The following ACSL1 variants were observed in gnomAD, a reference collection of about 807,000 sequenced individuals.
ACSL1 encodes acyl-CoA synthetase long chain family member 1.
ACSL1 carries 41 observed loss-of-function variants against 98.4 expected under a neutral mutation model. That is an observed-to-expected ratio of 0.42 (90% CI 0.32 to 0.54). The LOEUF is 0.54. ACSL1 is among the 20% of genes least tolerant of loss of function. The pLI is 0.13. For synonymous variants in ACSL1, 316 were observed against 322.7 expected, an observed-to-expected ratio of 0.98 and a Z score of 0.22; for missense variants, 734 against 883.1, an observed-to-expected ratio of 0.83 and a Z score of 2.14.
In ACSL1 at chr4:184,780,318, C is replaced by T. The variant is rs1471848574; in HGVS notation, c.477+14G>A. 1 of 1,606,984 alleles carries T rather than the reference C, an allele frequency of 6.2e-7. No homozygotes were observed. Among genetic ancestry groups the T allele is most frequent in the Non-Finnish European group, 8.5e-7 (1 of 1,175,214 alleles). On this transcript the variant is annotated intron_variant, in intron 5 of 20. Transcript: ENST00000281455. Reference sequence around the variant, plus strand: ...TCTCAAAATCATGCATAGCAAGTACCTACTGGTTCATACCTCAGGTCTATT... The same window carrying T: ...TCTCAAAATCATGCATAGCAAGTACTTACTGGTTCATACCTCAGGTCTATT...
chr4:184,761,484 C>T (rs999017571), intron 17 of ACSL1, among the ~76,000 whole-genome samples: 2 of 152,182 alleles, frequency 1.3e-5, no homozygotes, highest in Non-Finnish European at 2.9e-5. Flanking sequence ...CAGCAGATTA[C>T]TGGTCAAACC....
At chr4:184,770,835 T>C (rs1475891529) in intron 10 of ACSL1, among the ~76,000 whole-genome samples, 1 of 152,108 alleles carries the variant, frequency 6.6e-6, no homozygotes. Flanking sequence ...AAGAATAAAA[T>C]GAAAAACAAG....
chr4:184,777,731 C>T (rs987195187), intron 5 of ACSL1, among the ~76,000 whole-genome samples: 9 of 151,928 alleles, frequency 5.9e-5, no homozygotes. Flanking sequence ...AAGGTAGCTA[C>T]AGATGCTACT....
chr4:184,820,121 C>G (rs115511796), intron 1 of ACSL1, among the ~76,000 whole-genome samples: 1 of 152,128 alleles, frequency 6.6e-6, no homozygotes, highest in African/African-American at 2.4e-5. Flanking sequence ...AAGTCACCCC[C>G]CTCCGATCCC....
chr4:184,820,827 C>T (rs182936962), intron 1 of ACSL1, among the ~76,000 whole-genome samples: 36 of 152,118 alleles, frequency 2.4e-4, no homozygotes, highest in African/African-American at 7.2e-4. Flanking sequence ...GTGATCCACC[C>T]GCCTCGGCCT....
At chr4:184,802,546 C>T (rs1459123792) in intron 2 of ACSL1, among the ~76,000 whole-genome samples, 1 of 152,090 alleles carries the variant, frequency 6.6e-6, no homozygotes, top group Non-Finnish European at 1.5e-5. Flanking sequence ...GTGGAAGCAC[C>T]AGTGAGCATG....
chr4:184,764,651 C>T (rs72707737), intron 15 of ACSL1, among the ~76,000 whole-genome samples: 3,070 of 152,244 alleles, frequency 0.02, 52 homozygotes, highest in Non-Finnish European at 0.031. Context: ...AGATCCCCAG[C>T]GCCACCCCTC....
At chr4:184,761,409 A>G (rs1355470385) in intron 17 of ACSL1, among the ~76,000 whole-genome samples, 1 of 152,262 alleles carries the variant, frequency 6.6e-6, no homozygotes, top group Non-Finnish European at 1.5e-5. Flanking sequence ...ATCTGCCAAT[A>G]CACAGTAATA....
At chr4:184,777,627 C>A (rs1259785829) in intron 5 of ACSL1, among the ~76,000 whole-genome samples, 1 of 152,060 alleles carries the variant, frequency 6.6e-6, no homozygotes, top group Non-Finnish European at 1.5e-5. Context: ...AAATTAAAAT[C>A]CGCCTGAAGA....
Position 184,780,442 on chromosome 4 carries a change from G to C in ACSL1, c.376-9C>G. The C allele has an allele frequency of 3.1e-6, 5 of 1,608,528 alleles. No individual in the cohort carries two copies. The highest frequency in any genetic ancestry group is 4.2e-6 in the Non-Finnish European group (5 of 1,178,168). On this transcript the variant is annotated splice_polypyrimidine_tract_variant and intron_variant, in intron 4 of 20. Transcript: ENST00000281455. ...TCCGACAATTCTGCAACCTAAAATG[G>C]AGAGGAAAAAGTCAGAAGCAGCATT...
chr4:184,788,769 G>A, intron 2 of ACSL1, 38 bp from the exon 3 acceptor site: 1 of 1,530,676 alleles, frequency 6.5e-7, no homozygotes, highest in Non-Finnish European at 9.1e-7. Context: ...AGAAGGCAGT[G>A]AAACATCTAT....
At chr4:184,792,633 C>T (rs910016031) in intron 2 of ACSL1, among the ~76,000 whole-genome samples, 1 of 152,138 alleles carries the variant, frequency 6.6e-6, no homozygotes, top group Admixed American at 6.5e-5. Flanking sequence ...GAGGCAAGGT[C>T]TCACTATGTT....
chr4:184,776,669 A>G lies in ACSL1; in HGVS notation c.578-7T>C. On this transcript the variant is annotated splice_region_variant and splice_polypyrimidine_tract_variant and intron_variant, in intron 6 of 20. Transcript: ENST00000281455. ...AAAACCAGAGAGAGTTCAGCTGTAA[A>G]TGAAGAGATACAATGAAGAATAAGC... 6.2e-7 allele frequency: 1 copy of G among 1,607,218 alleles called. No individual in the cohort carries two copies. The highest frequency in any genetic ancestry group is 8.5e-7 in the Non-Finnish European group (1 of 1,178,766).
chr4:184,761,901 T>C (rs979373092), intron 17 of ACSL1, among the ~76,000 whole-genome samples: 24 of 151,392 alleles, frequency 1.6e-4, no homozygotes, highest in Middle Eastern at 3.4e-3. Context: ...CTGAGGCGGG[T>C]GGATCACCTG....
rs1185684116 is a variant in ACSL1 at position 184,757,691 on chromosome 4, T to C, written c.1900A>G (p.Ile634Val). Reference protein sequence around the residue: ...LCRNKDVKKAILEDMVRLGKD... With the variant: ...LCRNKDVKKAVLEDMVRLGKD... The stretch of plus-strand genomic sequence containing the variant: ...CCAAGTCTCACCATATCTTCGAGGA[T>C]AGCTTTTTTGACATCCTAAAAGGGT... Residue 634 changes from isoleucine (I) to valine (V), a missense_variant, in exon 20 of 21, where the codon ATC becomes GTC. Coordinates refer to ENST00000281455, the MANE Select transcript of ACSL1 (RefSeq NM_001995.5). The surrounding 1 kb of genome is among the most constrained non-coding windows in gnomAD (Gnocchi z 4.5). The C allele has an allele frequency of 6.8e-6, 11 of 1,614,130 alleles. No individual in the cohort carries two copies. Among genetic ancestry groups the C allele is most frequent in the Non-Finnish European group, 9.3e-6 (11 of 1,180,000 alleles).
At position 184,756,374 on chromosome 4, in the gene ACSL1, G is replaced by A. The variant is rs533478151; in HGVS notation, c.*751C>T. Reference sequence around the variant, plus strand: ...ATAACCCCTGAAAAAGGATGGAGTCGGGGAATCAGGCCTGGAGAACCGAGT... The same window carrying A: ...ATAACCCCTGAAAAAGGATGGAGTCAGGGAATCAGGCCTGGAGAACCGAGT... On this transcript the variant is annotated 3_prime_UTR_variant, in exon 21 of 21. Coordinates refer to ENST00000281455, the MANE Select transcript of ACSL1 (RefSeq NM_001995.5). 13 of 152,676 alleles carry A rather than the reference G, an allele frequency of 8.5e-5. No individual in the cohort carries two copies. Among genetic ancestry groups the A allele is most frequent in the South Asian group, 6.2e-4 (3 of 4,822 alleles). The allele number at this position is 152,676 out of a possible 1,614,324, so 9.5% of individuals were successfully genotyped here.
At chr4:184,782,005 T>C (rs1308811197) in intron 4 of ACSL1, among the ~76,000 whole-genome samples, 2 of 152,218 alleles carry the variant, frequency 1.3e-5, no homozygotes, top group Admixed American at 6.5e-5. Flanking sequence ...TACCTACTCC[T>C]GGCCTGGAAC....
chr4:184,813,502 C>A, intron 1 of ACSL1: 1 of 172,018 alleles, frequency 5.8e-6, no homozygotes. Context: ...ACTTCTCACT[C>A]ATGAACTGGA....
rs776959382 is a variant in ACSL1 at position 184,780,450 on chromosome 4, A to G, written c.376-17T>C. On this transcript the variant is annotated splice_polypyrimidine_tract_variant and intron_variant, in intron 4 of 20. Transcript: ENST00000281455. ...TTCTGCAACCTAAAATGGAGAGGAA[A>G]AAGTCAGAAGCAGCATTGGGCCCCA... 5.6e-6 allele frequency: 9 copies of G among 1,603,926 alleles called. No homozygotes were observed. The highest frequency in any genetic ancestry group is 1.7e-5 in the Admixed American group (1 of 59,574).
Sources: allele counts gnomAD v4.1 joint callset (sites outside exome capture counted in the v4.1 genomes callset), GRCh38; gene constraint gnomAD v4.1.1; non-coding constraint Gnocchi (gnomAD v3.1); transcripts MANE v1.5; gene names NCBI Gene and HGNC (gene_info 2026-07-23, HGNC 2026-07-21).